The following RSRP1 variants were observed in gnomAD, a reference collection of about 807,000 sequenced individuals.
RSRP1 encodes arginine and serine rich protein 1, also known as arginine/serine-rich protein 1.
A neutral mutation model predicts 33.0 loss-of-function variants in RSRP1; 37 were observed. That is an observed-to-expected ratio of 1.12 (90% CI 0.86 to 1.48). The LOEUF (loss-of-function observed/expected upper bound fraction) is 1.48. Ranked by LOEUF, RSRP1 falls within the 40% of genes most tolerant of loss-of-function variation. RSRP1 has a pLI of 0.00. For synonymous variants in RSRP1, 167 were observed against 158.7 expected (o/e 1.05, Z -0.40); for missense variants, 402 against 385.3 (o/e 1.04, Z -0.36).
rs571850722 is a variant in RSRP1, at chr1:25,244,459, G to A, written c.672+691C>T. ...TTAGCCCATGTATCAATTACCAACA[G>A]ATTTTCTTCATCAATGTCTGCAGAC... On this transcript the variant is annotated intron_variant, in intron 3 of 4. Coordinates refer to ENST00000243189, the MANE Select transcript of RSRP1 (RefSeq NM_020317.5). The A allele has an allele frequency of 6.2e-6, 8 of 1,289,320 alleles. No homozygotes were observed. The African/African-American group carries it at 1.2e-4, about 20-fold the overall frequency. The allele number at this position is 1,289,320 out of a possible 1,614,324, so 79.9% of individuals were successfully genotyped here.
intron 1 of RSRP1, among the ~76,000 whole-genome samples, chr1:25,258,250 G>A (rs578022861): frequency 2.0e-5 from 3 of 152,158 alleles, no homozygotes; most frequent in African/African-American, 4.8e-5. Flanking sequence ...GCACAATCTC[G>A]GCTCGCTGCA....
rs1338219199 is a variant in RSRP1 at position 25,312,705 on chromosome 1, G to A, written c.-67+25273C>T. Among the ~76,000 whole-genome samples the A allele has an allele frequency of 5.9e-5, 7 of 119,624 alleles. 1 individual carries two copies. The highest frequency in any genetic ancestry group is 4.0e-5 in the Non-Finnish European group (2 of 50,468). 78.5% of individuals were successfully genotyped at this position (119,624 alleles called of 152,430 possible). A position where few individuals can be genotyped will look rare whatever the true frequency, so the allele number is the denominator to read the frequency against. Reference sequence around the variant, plus strand: ...TTTGAGGCTGCAGTGAGCTATGGTCGTGCCACTGCATTCCAGCCAGGGCAA... The same window carrying A: ...TTTGAGGCTGCAGTGAGCTATGGTCATGCCACTGCATTCCAGCCAGGGCAA... On this transcript the variant is annotated intron_variant, in intron 1 of 1. Coordinates refer to the RSRP1 transcript ENST00000561867.
At chr1:25,253,894 G>C (rs1034197275) in intron 1 of RSRP1, 1 of 152,170 alleles carries the variant, frequency 6.6e-6, no homozygotes, top group Non-Finnish European at 1.5e-5. Flanking sequence ...GGTCAGCTTA[G>C]CTCTTTCAGA....
chr1:25,257,962 A>G (rs1272647607), intron 1 of RSRP1, among the ~76,000 whole-genome samples: 4 of 152,048 alleles, frequency 2.6e-5, no homozygotes, highest in African/African-American at 9.7e-5. Flanking sequence ...GTCAACATCT[A>G]CTTGTGAAGC....
At chr1:25,250,782 AG>A (rs1224767141), upstream of RSRP1, among the ~76,000 whole-genome samples, 2 of 152,140 alleles carry the variant, frequency 1.3e-5, no homozygotes, top group African/African-American at 4.8e-5. Context: ...AGGCCAAGGC[AG>A]GCGGATCACC....
Position 25,331,102 on chromosome 1 carries a change from G to A in RSRP1, c.-67+6876C>T, listed in dbSNP as rs569045197. On this transcript the variant is annotated intron_variant, in intron 1 of 1. Transcript: ENST00000561867. Reference sequence around the variant, plus strand: ...CCTGCCTCAGCCTCCCAAGTAGCTGGGACTACAGGTGCCCACCATCATGCC... The same window carrying A: ...CCTGCCTCAGCCTCCCAAGTAGCTGAGACTACAGGTGCCCACCATCATGCC... 6.5e-3 allele frequency among the ~76,000 whole-genome samples: 826 copies of A among 126,620 alleles called. 108 individuals carry two copies. The highest frequency in any genetic ancestry group is 0.021 in the African/African-American group (785 of 37,158). 83.1% of individuals were successfully genotyped at this position (126,620 alleles called of 152,430 possible).
At chr1:25,319,628 C>T (rs1644589773) in intron 1 of RSRP1, among the ~76,000 whole-genome samples, 1 of 132,042 alleles carries the variant, frequency 7.6e-6, no homozygotes, top group African/African-American at 2.6e-5. Context: ...AACAAAACAA[C>T]TTGGACAATG....
At chr1:25,322,601 A>C (rs1644775112) in intron 1 of RSRP1, among the ~76,000 whole-genome samples, 1 of 131,122 alleles carries the variant, frequency 7.6e-6, no homozygotes, top group African/African-American at 2.6e-5. Flanking sequence ...TGAACCTGGG[A>C]AGCGAAGTTT....
chr1:25,338,205 G>A (rs1233701049), upstream of RSRP1: 1 of 152,160 alleles, frequency 6.6e-6, no homozygotes, highest in African/African-American at 2.4e-5. Flanking sequence ...ACCCAGAGCG[G>A]CGGAAAGCCC....
intron 3 of RSRP1, 139 bp downstream of exon 3, chr1:25,245,011 T>C (rs1571509807): frequency 6.4e-7 from 1 of 1,558,626 alleles, no homozygotes; most frequent in African/African-American, 1.4e-5. Context: ...TTGCCTATCT[T>C]CAGATTTGCT....
chr1:25,262,439 G>A (rs1640187069), intron 1 of RSRP1, among the ~76,000 whole-genome samples: 1 of 152,264 alleles, frequency 6.6e-6, no homozygotes, highest in East Asian at 1.9e-4. Context: ...TAAATACTTT[G>A]AATTCAAACA....
In RSRP1 at chr1:25,243,805, T is replaced by A. The variant is rs549457587; in HGVS notation, c.673-172A>T. 5.1e-6 allele frequency: 7 copies of A among 1,362,488 alleles called. No homozygotes were observed. The African/African-American group carries it at 5.9e-5, about 11-fold the overall frequency. The allele number at this position is 1,362,488 out of a possible 1,614,324, so 84.4% of individuals were successfully genotyped here. A position where few individuals can be genotyped will look rare whatever the true frequency, so the allele number is the denominator to read the frequency against. On this transcript the variant is annotated intron_variant, in intron 3 of 4. Coordinates refer to ENST00000243189, the MANE Select transcript of RSRP1 (RefSeq NM_020317.5). Reference sequence around the variant, plus strand: ...GAGTTTTCCCCTTAACAAAACTGATTTAATATTAGGCTTAAGACACTCTTC... The same window carrying A: ...GAGTTTTCCCCTTAACAAAACTGATATAATATTAGGCTTAAGACACTCTTC...
intron 3 of RSRP1, chr1:25,244,157 T>G: frequency 7.8e-7 from 1 of 1,288,500 alleles, no homozygotes; most frequent in Non-Finnish European, 1.0e-6. Flanking sequence ...CCTGCACATT[T>G]CTGGAGAATT....
At chr1:25,246,159 C>T (rs1219910735) in intron 2 of RSRP1, 3 of 419,490 alleles carry the variant, frequency 7.2e-6, no homozygotes, top group African/African-American at 3.9e-5. Flanking sequence ...AACTTAGAAC[C>T]TTTAACTTAA....
intron 1 of RSRP1, chr1:25,301,223 C>T (rs545980829): frequency 1.0e-6 from 1 of 959,552 alleles, no homozygotes; most frequent in Admixed American, 1.9e-5. Context: ...CATCATGATT[C>T]ATTTCTTTGA....
At chr1:25,304,027 GAGC>G in intron 1 of RSRP1, among the ~76,000 whole-genome samples, 1 of 83,878 alleles carries the variant, frequency 1.2e-5, no homozygotes, top group East Asian at 2.2e-4. Context: ...GATGTGAGAG[GAGC>G]AGCACCCAGA....
At chr1:25,299,489 A>G (rs574901504) in intron 1 of RSRP1, among the ~76,000 whole-genome samples, 1 of 131,966 alleles carries the variant, frequency 7.6e-6, no homozygotes, top group Admixed American at 7.3e-5. Context: ...GCTTGCACCC[A>G]GGGTGGACTA....
At chr1:25,248,917 A>G (rs1309155982), upstream of RSRP1, among the ~76,000 whole-genome samples, 3 of 152,180 alleles carry the variant, frequency 2.0e-5, no homozygotes, top group East Asian at 3.9e-4. Context: ...GGGAGGCCGA[A>G]GCGGGAAGAT....
At chr1:25,261,806 T>C (rs1392737942) in intron 1 of RSRP1, among the ~76,000 whole-genome samples, 1 of 148,402 alleles carries the variant, frequency 6.7e-6, no homozygotes, top group African/African-American at 2.5e-5. Context: ...CTGTCTACCA[T>C]GTTCAAGCGA....
Sources: allele counts gnomAD v4.1 joint callset (sites outside exome capture counted in the v4.1 genomes callset), GRCh38; gene constraint gnomAD v4.1.1; transcripts MANE v1.5; gene names NCBI Gene and HGNC (gene_info 2026-07-23, HGNC 2026-07-21).